The following MED12L variants were observed in gnomAD, a reference collection of about 807,000 sequenced individuals.
MED12L encodes the protein mediator of RNA polymerase II transcription subunit 12-like protein.
A neutral mutation model predicts 281.3 loss-of-function variants in MED12L; 60 were observed. The ratio of observed to expected loss-of-function variants is 0.21; its 90% confidence interval spans 0.17 to 0.26. The LOEUF is 0.26. Among genes scored for constraint, MED12L ranks in the 10% least tolerant of loss-of-function variants. The probability of loss-of-function intolerance (pLI) is 1.00; values close to 1 mark genes in which losing one functional copy is unlikely to be tolerated. For synonymous variants in MED12L, 974 were observed against 987.2 expected, an observed-to-expected ratio of 0.99 and a Z score of 0.25; for missense variants, 2,146 against 2,680.9, an observed-to-expected ratio of 0.80 and a Z score of 4.41.
intron 14 of MED12L, 34 bp from the exon 15 acceptor site, chr3:151,192,516 T>TA (rs1559860359): frequency 1.4e-6 from 2 of 1,435,440 alleles, no homozygotes; most frequent in East Asian, 2.5e-5. Context: ...CTCCAAAACT[T>TA]ACAATGTTAC....
In MED12L at chr3:151,285,670, A is replaced by C. The variant is rs183352891; in HGVS notation, c.2251-64389A>C. 7.2e-5 allele frequency among the ~76,000 whole-genome samples: 11 copies of C among 151,980 alleles called. No individual in the cohort carries two copies. In the East Asian group the frequency reaches 1.4e-3, roughly 19 times the overall value. On this transcript the variant is annotated intron_variant, in intron 16 of 44. Coordinates refer to ENST00000687756, the MANE Select transcript of MED12L (RefSeq NM_001393769.1). Reference sequence around the variant, plus strand: ...GTAACCAAGCACCACCTGTTCCCCCAAAAACCTATTGAAATAAAAAAAAAA... The same window carrying C: ...GTAACCAAGCACCACCTGTTCCCCCCAAAACCTATTGAAATAAAAAAAAAA...
chr3:151,294,897 T>C (rs150090263), intron 16 of MED12L: 3 of 1,613,840 alleles, frequency 1.9e-6, no homozygotes, highest in Non-Finnish European at 2.5e-6. Flanking sequence ...AAAACTGAAG[T>C]GTATCTGCAG....
chr3:151,102,428 C>T (rs192568124), intron 2 of MED12L, among the ~76,000 whole-genome samples: 38 of 152,160 alleles, frequency 2.5e-4, no homozygotes, highest in African/African-American at 8.0e-4. Context: ...ACGTTTAGCC[C>T]GTTTCTGAAT....
intron 11 of MED12L, among the ~76,000 whole-genome samples, chr3:151,171,676 G>A (rs936675276): frequency 1.3e-5 from 2 of 152,224 alleles, no homozygotes; most frequent in African/African-American, 4.8e-5. Flanking sequence ...TCATAGTGAT[G>A]TTTTGAATGG....
chr3:151,258,986 G>A (rs978363486), intron 16 of MED12L, among the ~76,000 whole-genome samples: 1 of 152,100 alleles, frequency 6.6e-6, no homozygotes, highest in African/African-American at 2.4e-5. Flanking sequence ...AAATGGTGCT[G>A]ATAAGTGGTG....
At chr3:151,116,248 A>T (rs2148736374) in intron 2 of MED12L, 90 bp from the exon 3 acceptor site, 1 of 843,804 alleles carries the variant, frequency 1.2e-6, no homozygotes, top group Non-Finnish European at 1.9e-6. Context: ...ACAGAGTATA[A>T]CAAATTTAGC....
At chr3:151,349,977 T>C (rs1753019482) in intron 16 of MED12L, 82 bp from the exon 17 acceptor site, 1 of 1,334,836 alleles carries the variant, frequency 7.5e-7, no homozygotes, top group Admixed American at 2.0e-5. Flanking sequence ...ATGGAGGTGC[T>C]GTGGTCAGTG....
intron 23 of MED12L, among the ~76,000 whole-genome samples, chr3:151,366,329 C>T (rs764275546): frequency 2.0e-5 from 3 of 152,178 alleles, no homozygotes; most frequent in Non-Finnish European, 4.4e-5. Flanking sequence ...TTCCTCACAG[C>T]ATGGGACATA....
At chr3:151,218,251 A>G (rs1001993047) in intron 16 of MED12L, among the ~76,000 whole-genome samples, 1 of 152,210 alleles carries the variant, frequency 6.6e-6, no homozygotes, top group African/African-American at 2.4e-5. Context: ...CCCACTTCTC[A>G]GTTGATTCAC....
intron 26 of MED12L, among the ~76,000 whole-genome samples, chr3:151,370,893 A>C (rs184424384): frequency 5.3e-5 from 8 of 152,328 alleles, no homozygotes; most frequent in African/African-American, 1.7e-4. Context: ...GTCTAATCTC[A>C]AGTAGAATTT....
At chr3:151,250,065 C>T (rs1393323318) in intron 16 of MED12L, among the ~76,000 whole-genome samples, 1 of 152,130 alleles carries the variant, frequency 6.6e-6, no homozygotes, top group Non-Finnish European at 1.5e-5. Context: ...AGCAATCATC[C>T]AGTCGGTACC....
At chr3:151,269,688 A>G (rs1740517375) in intron 16 of MED12L, 3 of 418,430 alleles carry the variant, frequency 7.2e-6, no homozygotes, top group South Asian at 3.9e-5. Flanking sequence ...GGTTACAGAA[A>G]GATTTTTATT....
chr3:151,279,145 G>A (rs927995469), intron 16 of MED12L, among the ~76,000 whole-genome samples: 6 of 152,182 alleles, frequency 3.9e-5, no homozygotes, highest in African/African-American at 1.4e-4. Context: ...TCTTCAAAGT[G>A]TATAACTCAG....
intron 39 of MED12L, among the ~76,000 whole-genome samples, chr3:151,408,411 A>G (rs1008686847): frequency 6.6e-6 from 1 of 152,252 alleles, no homozygotes; most frequent in Non-Finnish European, 1.5e-5. Context: ...TTAAAATGAG[A>G]ATCTCTGTTA....
chr3:151,185,516 T>A (rs1024293403), intron 12 of MED12L, 55 bp downstream of exon 12: 2 of 1,588,600 alleles, frequency 1.3e-6, no homozygotes, highest in African/African-American at 2.7e-5. Flanking sequence ...AATACTGTTT[T>A]GGGGAAGATC....
intron 39 of MED12L, among the ~76,000 whole-genome samples, chr3:151,400,130 A>G (rs1010212071): frequency 3.3e-5 from 5 of 152,054 alleles, no homozygotes; most frequent in African/African-American, 1.2e-4. Context: ...CCAGGCCTTA[A>G]GGAACTTTCA....
At chr3:151,285,575 G>A (rs187862329) in intron 16 of MED12L, among the ~76,000 whole-genome samples, 63 of 152,006 alleles carry the variant, frequency 4.1e-4, no homozygotes, top group Non-Finnish European at 3.5e-4. Flanking sequence ...TACACATTGG[G>A]TACATTGTAC....
chr3:151,101,717 T>G (rs1721417816), intron 2 of MED12L, among the ~76,000 whole-genome samples: 3 of 146,434 alleles, frequency 2.0e-5, no homozygotes, highest in Admixed American at 6.8e-5. Context: ...GGGTGGGGGA[T>G]GGTGGTGAGC....
chr3:151,370,768 A>C (rs1269650174), intron 26 of MED12L, among the ~76,000 whole-genome samples: 1 of 152,240 alleles, frequency 6.6e-6, no homozygotes, highest in Non-Finnish European at 1.5e-5. Flanking sequence ...GCTAGCAAAG[A>C]ATCAGTTTTC....
Sources: allele counts gnomAD v4.1 joint callset (sites outside exome capture counted in the v4.1 genomes callset), GRCh38; gene constraint gnomAD v4.1.1; transcripts MANE v1.5; gene names NCBI Gene and HGNC (gene_info 2026-07-23, HGNC 2026-07-21).